PCDHGB5: variants seen among roughly 807,000 people sequenced by gnomAD.
PCDHGB5 encodes protocadherin gamma-B5.
PCDHGB5 carries 48 observed loss-of-function variants against 62.9 expected under a neutral mutation model. That is an observed-to-expected ratio of 0.76 (90% CI 0.61 to 0.97). The LOEUF is 0.97. PCDHGB5 is among the 50% of genes least tolerant of loss of function. The pLI, the probability that PCDHGB5 is intolerant of heterozygous loss-of-function variation, is 0.00. For missense variants in PCDHGB5, 1,118 were observed against 1,198.6 expected (o/e 0.93, Z 0.99); for synonymous variants, 474 against 511.2 (o/e 0.93, Z 0.98).
chr5:141,457,498 G>A (rs193168963), intron 1 of PCDHGB5, among the ~76,000 whole-genome samples: 23 of 152,246 alleles, frequency 1.5e-4, no homozygotes, highest in African/African-American at 4.3e-4. Flanking sequence ...TAAAATGTAG[G>A]CAAAAAGCTT....
At chr5:141,453,370 G>A (rs969698165) in intron 1 of PCDHGB5, among the ~76,000 whole-genome samples, 1 of 152,046 alleles carries the variant, frequency 6.6e-6, no homozygotes, top group Non-Finnish European at 1.5e-5. Context: ...CTGGGGTCAA[G>A]TGATCCTCCT....
intron 1 of PCDHGB5, chr5:141,403,027 G>C: frequency 1.2e-6 from 2 of 1,614,070 alleles, no homozygotes; most frequent in Non-Finnish European, 1.7e-6. Flanking sequence ...TGCTATGGGA[G>C]GCCAGGGCCA....
Position 141,432,149 on chromosome 5 carries a change from A to G in PCDHGB5, c.2397+31625A>G. The G allele has an allele frequency of 6.2e-7, 1 of 1,613,964 alleles. No individual in the cohort carries two copies. The highest frequency in any genetic ancestry group is 8.5e-7 in the Non-Finnish European group (1 of 1,179,986). On this transcript the variant is annotated intron_variant, in intron 1 of 3. Transcript: ENST00000617380. This position sits in a 1 kb window ranked among gnomAD's most constrained non-coding sequence, Gnocchi z 6.0. Reference sequence around the variant, plus strand: ...CTCCTATTCCGCTTATATCCCAGAGAACAATCCCAGAGGAGTTTCCCTCGT... The same window carrying G: ...CTCCTATTCCGCTTATATCCCAGAGGACAATCCCAGAGGAGTTTCCCTCGT...
chr5:141,402,908 G>C (rs772824235), intron 1 of PCDHGB5: 1 of 1,545,226 alleles, frequency 6.5e-7, no homozygotes, highest in African/African-American at 1.4e-5. Flanking sequence ...TGATGAAGCA[G>C]CGCGCACAGA....
chr5:141,403,661 G>C (rs2094439419), intron 1 of PCDHGB5: 1 of 1,613,904 alleles, frequency 6.2e-7, no homozygotes, highest in Non-Finnish European at 8.5e-7. Context: ...GGATACAAAT[G>C]ATAATGCCCC....
In PCDHGB5 at chr5:141,423,466, G is replaced by T. The variant is rs770939556; in HGVS notation, c.2397+22942G>T. On this transcript the variant is annotated intron_variant, in intron 1 of 3. Coordinates refer to ENST00000617380, the MANE Select transcript of PCDHGB5 (RefSeq NM_018925.3). Reference sequence around the variant, plus strand: ...GTCACATTTTGTAGGCGTGGACGGGGTACAGGCTTTCCTGCAAACCTATTC... The same window carrying T: ...GTCACATTTTGTAGGCGTGGACGGGTTACAGGCTTTCCTGCAAACCTATTC... 6 of 1,614,022 alleles carry T rather than the reference G, an allele frequency of 3.7e-6. No homozygotes were observed. In the Admixed American group the frequency reaches 5.0e-5, roughly 13 times the overall value.
intron 1 of PCDHGB5, chr5:141,427,497 G>C (rs775492626): frequency 1.6e-5 from 9 of 568,020 alleles, no homozygotes; most frequent in African/African-American, 3.7e-5. Flanking sequence ...GCTTGTAACA[G>C]ATGGGACCCT....
chr5:141,477,275 G>C lies in PCDHGB5; in HGVS notation c.2398-17532G>C, dbSNP rs1241603826. On this transcript the variant is annotated intron_variant, in intron 1 of 3. Transcript: ENST00000617380. This position sits in a 1 kb window ranked among gnomAD's most constrained non-coding sequence, Gnocchi z 4.9. ...CCTGGATGCTGGCGAGAACGGGCTG[G>C]TGACCTGCGAAGTTCCACCGGGTCT... The C allele has an allele frequency of 2.5e-6, 4 of 1,614,198 alleles. No individual in the cohort carries two copies. The South Asian group carries it at 4.4e-5, about 18-fold the overall frequency.
At position 141,489,852 on chromosome 5, in the gene PCDHGB5, C is replaced by G. The variant is rs1197191101; in HGVS notation, c.2398-4955C>G. ...TAGAGCAGCAGCTGGATCGTGAAGC[C>G]CAGGCAAGACATCAGCTGGTGCTTA... On this transcript the variant is annotated intron_variant, in intron 1 of 3. Transcript: ENST00000617380. This position sits in a 1 kb window ranked among gnomAD's most constrained non-coding sequence, Gnocchi z 4.5. The G allele has an allele frequency of 6.2e-7, 1 of 1,614,034 alleles. No homozygotes were observed. Among genetic ancestry groups the G allele is most frequent in the Admixed American group, 1.7e-5 (1 of 60,004 alleles).
intron 1 of PCDHGB5, chr5:141,405,545 A>G (rs952875482): frequency 1.6e-6 from 1 of 631,162 alleles, no homozygotes; most frequent in South Asian, 2.0e-5. Flanking sequence ...TCAGCCTCCC[A>G]AGTAGAGTAG....
At chr5:141,481,943 G>C (rs1454871018) in intron 1 of PCDHGB5, among the ~76,000 whole-genome samples, 1 of 148,544 alleles carries the variant, frequency 6.7e-6, no homozygotes, top group South Asian at 2.1e-4. Context: ...AAATCAGCCA[G>C]ATGTGGTGGC....
intron 1 of PCDHGB5, among the ~76,000 whole-genome samples, chr5:141,492,927 G>C (rs925569925): frequency 6.6e-6 from 1 of 152,180 alleles, no homozygotes; most frequent in Non-Finnish European, 1.5e-5. Context: ...AGCGATCTAG[G>C]GTCAGAGATT....
intron 1 of PCDHGB5, among the ~76,000 whole-genome samples, chr5:141,437,228 A>C (rs1410620126): frequency 6.6e-6 from 1 of 152,228 alleles, no homozygotes; most frequent in Non-Finnish European, 1.5e-5. Context: ...CCAGTCATAA[A>C]ATTATGTCAA....
In PCDHGB5 at chr5:141,489,561, G is replaced by A. The variant is rs1750812409; in HGVS notation, c.2398-5246G>A. 6.2e-7 allele frequency: 1 copy of A among 1,614,106 alleles called. No homozygotes were observed. Among genetic ancestry groups the A allele is most frequent in the Non-Finnish European group, 8.5e-7 (1 of 1,180,026 alleles). On this transcript the variant is annotated intron_variant, in intron 1 of 3. Coordinates refer to ENST00000617380, the MANE Select transcript of PCDHGB5 (RefSeq NM_018925.3). The surrounding 1 kb of genome is among the most constrained non-coding windows in gnomAD (Gnocchi z 4.5). Reference sequence around the variant, plus strand: ...GCACCAGCTGCCTGCTGCCAGTGCAGGTGGTGACTGAACACCCCCTGGAGC... The same window carrying A: ...GCACCAGCTGCCTGCTGCCAGTGCAAGTGGTGACTGAACACCCCCTGGAGC...
In PCDHGB5 at chr5:141,398,654, C is replaced by G; in HGVS notation, c.527C>G (p.Pro176Arg). The change falls in exon 1 of 4, where the codon CCA becomes CGA. Residue 176 changes from proline (P) to arginine (R), a missense_variant. Physicochemically the swap from Pro to Arg is moderately radical, Grantham distance 103. Coordinates refer to ENST00000617380, the MANE Select transcript of PCDHGB5 (RefSeq NM_018925.3). Reference protein sequence around the residue: ...SLQKYKLSLNPSFSLIIKEKQ... With the variant: ...SLQKYKLSLNRSFSLIIKEKQ... ...CAGAAGTATAAACTCTCTCTTAACC[C>G]AAGTTTCTCATTAATAATTAAGGAG... is the stretch of plus-strand genomic sequence containing the variant. 1 of 1,613,998 alleles carries G rather than the reference C, an allele frequency of 6.2e-7. No homozygotes were observed. Among genetic ancestry groups the G allele is most frequent in the South Asian group, 1.1e-5 (1 of 91,076 alleles).
rs539901154 is a variant in PCDHGB5, at chr5:141,413,036, T to C, written c.2397+12512T>C. 238 of 805,778 alleles carry C rather than the reference T, an allele frequency of 3.0e-4. 1 individual carries two copies. Among genetic ancestry groups the C allele is most frequent in the Non-Finnish European group, 4.2e-4 (226 of 532,568 alleles). 49.9% of individuals were successfully genotyped at this position (805,778 alleles called of 1,614,324 possible). On this transcript the variant is annotated intron_variant, in intron 1 of 3. Transcript: ENST00000617380. ...TACACAAGCCCCACAAACCGGCTGC[T>C]GGGCTGCAGGGAAGCTCACTCCAGA...
chr5:141,445,889 C>A (rs920382027), intron 1 of PCDHGB5, among the ~76,000 whole-genome samples: 6 of 152,110 alleles, frequency 3.9e-5, no homozygotes, highest in African/African-American at 1.4e-4. Context: ...TACTTAGGAG[C>A]TATTAAAATA....
In PCDHGB5 at chr5:141,432,071, A is replaced by G; in HGVS notation, c.2397+31547A>G. On this transcript the variant is annotated intron_variant, in intron 1 of 3. Transcript: ENST00000617380. The surrounding 1 kb of genome is among the most constrained non-coding windows in gnomAD (Gnocchi z 6.0). ...CCCGCCCCTATCCACGGAAACTCAT[A>G]TCTCGCTGAACGTGGCAGACACCAA... is the stretch of plus-strand genomic sequence containing the variant. 2 of 1,614,158 alleles carry G rather than the reference A, an allele frequency of 1.2e-6. No individual in the cohort carries two copies. The highest frequency in any genetic ancestry group is 1.7e-6 in the Non-Finnish European group (2 of 1,180,032).
intron 1 of PCDHGB5, among the ~76,000 whole-genome samples, chr5:141,465,307 T>C (rs2099100636): frequency 6.6e-6 from 1 of 152,218 alleles, no homozygotes; most frequent in Non-Finnish European, 1.5e-5. Context: ...CCTGGGAATT[T>C]AGCCATGTCA....
Sources: gnomAD v4.1 joint callset for allele counts (sites outside exome capture counted in the v4.1 genomes callset) on GRCh38, gnomAD v4.1.1 for gene constraint, Gnocchi (gnomAD v3.1) non-coding constraint, MANE v1.5 for transcripts, NCBI Gene and HGNC (gene_info 2026-07-23, HGNC 2026-07-21) for gene names.